NOTCH1: variants seen among roughly 807,000 people sequenced by gnomAD.
The protein encoded by NOTCH1 is notch receptor 1, also known as neurogenic locus notch homolog protein 1.
A neutral mutation model predicts 254.8 loss-of-function variants in NOTCH1; 37 were observed. The observed-to-expected ratio is 0.15, with a 90% CI of 0.11 to 0.19. The LOEUF is 0.19. Ranked by LOEUF, NOTCH1 falls within the 10% of genes least tolerant of loss-of-function variation. NOTCH1 has a pLI of 1.00. For synonymous variants in NOTCH1, 1,731 were observed against 1,618.1 expected (o/e 1.07, Z -1.68); for missense variants, 2,972 against 3,708.6 (o/e 0.80, Z 5.16).
At chr9:136,525,730 T>C (rs1250342988) in intron 2 of NOTCH1, among the ~76,000 whole-genome samples, 1 of 152,210 alleles carries the variant, frequency 6.6e-6, no homozygotes, top group Non-Finnish European at 1.5e-5. Context: ...GTGCTATGTG[T>C]GGCAGTGGCC....
chr9:136,520,317 CCTCT>C (rs1302822392), intron 4 of NOTCH1, among the ~76,000 whole-genome samples: 1 of 152,136 alleles, frequency 6.6e-6, no homozygotes, highest in Non-Finnish European at 1.5e-5. Flanking sequence ...TCGGCCCCTC[CCTCT>C]GAGACATTGC....
At chr9:136,523,337 C>T (rs747117907) in intron 3 of NOTCH1, 149 bp from the exon 4 acceptor site, 11 of 877,988 alleles carry the variant, frequency 1.3e-5, no homozygotes, top group Middle Eastern at 3.3e-4. Context: ...TGAGACCGGT[C>T]GCCTTTGGCA....
chr9:136,496,566 C>T lies in NOTCH1; in HGVS notation c.7173G>A (p.Gln2391=). Reference sequence around the variant, plus strand: ...CTGGCTGCAGGTTCTGCTGCTGCATCTGTAAGTTTTGTGGCTGCACCTGCT... The same window carrying T: ...CTGGCTGCAGGTTCTGCTGCTGCATTTGTAAGTTTTGTGGCTGCACCTGCT... ...QTQQVQPQNL[Q]MQQQNLQPAN... The change falls in exon 34 of 34, where the codon CAG becomes CAA. Residue 2391 remains glutamine, a synonymous_variant. Transcript: ENST00000651671. The T allele has an allele frequency of 6.2e-7, 1 of 1,611,844 alleles. No homozygotes were observed. The highest frequency in any genetic ancestry group is 8.5e-7 in the Non-Finnish European group (1 of 1,179,990).
intron 9 of NOTCH1, among the ~76,000 whole-genome samples, chr9:136,516,677 A>G (rs1843278087): frequency 6.6e-6 from 1 of 152,034 alleles, no homozygotes; most frequent in Non-Finnish European, 1.5e-5. Flanking sequence ...GCCAGGCTGG[A>G]GCCTCCTCCC....
rs775610458 is a variant in NOTCH1 at position 136,499,233 on chromosome 9, G to A, written c.5961C>T (p.Asp1987=). Residue 1987 remains aspartate (D), a synonymous_variant, in exon 32 of 34, where the codon GAC becomes GAT. Transcript: ENST00000651671. The part of the protein sequence containing the change: ...FQILIRNRAT[D]LDARMHDGTT... ...TGCCATCATGCATGCGGGCATCCAG[G>A]TCTGTGGCTCGGTTCCGGATCAGGA... The A allele has an allele frequency of 3.1e-6, 5 of 1,613,092 alleles. No homozygotes were observed. Among genetic ancestry groups the A allele is most frequent in the East Asian group, 4.5e-5 (2 of 44,896 alleles).
chr9:136,533,029 C>T (rs1843587070), intron 2 of NOTCH1, among the ~76,000 whole-genome samples: 1 of 152,224 alleles, frequency 6.6e-6, no homozygotes, highest in Non-Finnish European at 1.5e-5. Flanking sequence ...TGTGCTGGGC[C>T]AGACCCTGGA....
In NOTCH1 at chr9:136,514,622, C is replaced by T. The variant is rs2133360970; in HGVS notation, c.2095G>A (p.Gly699Ser). The change falls in exon 13 of 34, where the codon GGC (glycine) becomes AGC (serine). Residue 699 changes from glycine to serine, a missense_variant. Transcript: ENST00000651671. ...NGGTCEDGINGFTCRCPEGYH... is the reference protein window; with the variant it reads ...NGGTCEDGINSFTCRCPEGYH... ...CCCTCGGGGCAGCGGCAGGTGAAGC[C>T]ATTGATGCCGTCCTCGCAGGTGCCC... 1.2e-6 allele frequency: 2 copies of T among 1,611,070 alleles called. No homozygotes were observed.
At chr9:136,510,535 C>T (rs753850133) in intron 17 of NOTCH1, 118 bp downstream of exon 17, 74 of 1,382,950 alleles carry the variant, frequency 5.4e-5, no homozygotes, top group Non-Finnish European at 6.8e-5. Flanking sequence ...CCAACCCTCC[C>T]CGGCCACACT....
chr9:136,516,713 T>C (rs893910602), intron 9 of NOTCH1, among the ~76,000 whole-genome samples: 3 of 152,092 alleles, frequency 2.0e-5, no homozygotes, highest in Non-Finnish European at 2.9e-5. Context: ...GCTCCTGGTA[T>C]ACCCTTCTCT....
intron 6 of NOTCH1, 147 bp from the exon 7 acceptor site, chr9:136,518,439 G>T: frequency 1.7e-6 from 2 of 1,192,020 alleles, no homozygotes; most frequent in Non-Finnish European, 2.4e-6. Flanking sequence ...GGACGTTCCG[G>T]GGGACTCACA....
intron 2 of NOTCH1, among the ~76,000 whole-genome samples, chr9:136,530,451 A>G (rs1843542081): frequency 6.6e-6 from 1 of 152,178 alleles, no homozygotes; most frequent in African/African-American, 2.4e-5. Flanking sequence ...GGCTGTCTGC[A>G]TCTGACCGAC....
At chr9:136,501,593 C>T (rs1026526195) in intron 30 of NOTCH1, among the ~76,000 whole-genome samples, 155 bp downstream of exon 30, 1 of 152,156 alleles carries the variant, frequency 6.6e-6, no homozygotes, top group African/African-American at 2.4e-5. Flanking sequence ...AGGACCCCCC[C>T]ACGTCTACTC....
At position 136,522,892 on chromosome 9, in the gene NOTCH1, G is replaced by C. The variant is rs567890045; in HGVS notation, c.700C>G (p.Arg234Gly). 1 of 1,535,012 alleles carries C rather than the reference G, an allele frequency of 6.5e-7. No homozygotes were observed. Among genetic ancestry groups the C allele is most frequent in the Non-Finnish European group, 8.8e-7 (1 of 1,138,978 alleles). The change falls in exon 4 of 34, where the codon CGC becomes GGC. Residue 234 changes from arginine to glycine, a missense_variant. Coordinates refer to ENST00000651671, the MANE Select transcript of NOTCH1 (RefSeq NM_017617.5). The stretch of plus-strand genomic sequence containing the variant: ...TCGTGGGTGACGTCGCCCGTGGGGC[G>C]GCAGGTGCCCCCGTTCTGGCAGGGC... ...PSPCQNGGTC[R>G]PTGDVTHECA...
Position 136,503,163 on chromosome 9 carries a change from G to C in NOTCH1, c.5167+19C>G, listed in dbSNP as rs751046078. The C allele has an allele frequency of 1.2e-6, 2 of 1,612,550 alleles. No individual in the cohort carries two copies. The highest frequency in any genetic ancestry group is 1.3e-5 in the African/African-American group (1 of 75,050). ...CCCCCTGCAGGCAGAGCCTGTTCCCGGGATGGGGCCACACTTACTCTGCAC... is the reference window on the plus strand; with the variant it reads ...CCCCCTGCAGGCAGAGCCTGTTCCCCGGATGGGGCCACACTTACTCTGCAC... On this transcript the variant is annotated intron_variant, in intron 27 of 33. Coordinates refer to ENST00000651671, the MANE Select transcript of NOTCH1 (RefSeq NM_017617.5).
Position 136,508,003 on chromosome 9 carries a change from G to A in NOTCH1, c.3462C>T (p.Cys1154=). ...DLVDECSPSP[C]QNGATCTDYL... Reference sequence around the variant, plus strand: ...AGTCCGTGCAGGTGGCCCCGTTCTGGCAGGGGCTGGGTGAGCACTCGTCCA... The same window carrying A: ...AGTCCGTGCAGGTGGCCCCGTTCTGACAGGGGCTGGGTGAGCACTCGTCCA... Residue 1154 remains cysteine, a synonymous_variant, in exon 21 of 34, where the codon TGC becomes TGT. Coordinates refer to ENST00000651671, the MANE Select transcript of NOTCH1 (RefSeq NM_017617.5). 1 of 1,612,630 alleles carries A rather than the reference G, an allele frequency of 6.2e-7. No homozygotes were observed. The highest frequency in any genetic ancestry group is 8.5e-7 in the Non-Finnish European group (1 of 1,180,014).
intron 2 of NOTCH1, among the ~76,000 whole-genome samples, chr9:136,526,422 G>A (rs1843461181): frequency 6.6e-6 from 1 of 152,264 alleles, no homozygotes; most frequent in Non-Finnish European, 1.5e-5. Flanking sequence ...CGGGGCTGGA[G>A]GCTCCTCAGC....
At chr9:136,544,178 G>A (rs1308554328) in intron 1 of NOTCH1, 76 bp from the exon 2 acceptor site, 7 of 1,356,294 alleles carry the variant, frequency 5.2e-6, no homozygotes, top group East Asian at 2.5e-5. Flanking sequence ...CCCTGGGGGC[G>A]GGGACCTGCA....
At position 136,540,172 on chromosome 9, in the gene NOTCH1, C is replaced by G. The variant is rs552290919; in HGVS notation, c.140+3852G>C. ...AGGCCACCACCGGGCCGGCACACCC[C>G]CAACATGTCCCACATGTGAGCTAGG... On this transcript the variant is annotated intron_variant, in intron 2 of 33. Transcript: ENST00000651671. This position sits in a 1 kb window ranked among gnomAD's most constrained non-coding sequence, Gnocchi z 4.4. Among the ~76,000 whole-genome samples, 1 of 152,196 alleles carries G rather than the reference C, an allele frequency of 6.6e-6. No homozygotes were observed. The highest frequency in any genetic ancestry group is 2.4e-5 in the African/African-American group (1 of 41,452).
rs773291228 is a variant in NOTCH1, at chr9:136,509,092, G to A, written c.2970-21C>T. 1.2e-5 allele frequency: 18 copies of A among 1,548,342 alleles called. No individual in the cohort carries two copies. The African/African-American group carries it at 1.4e-4, about 12-fold the overall frequency. On this transcript the variant is annotated intron_variant, in intron 18 of 33. Coordinates refer to ENST00000651671, the MANE Select transcript of NOTCH1 (RefSeq NM_017617.5). Reference sequence around the variant, plus strand: ...AGGAGCTGCAAGGGGGTGGGCAGGCGGGGGCTGAGTGGAGGGCATTGGTGG... The same window carrying A: ...AGGAGCTGCAAGGGGGTGGGCAGGCAGGGGCTGAGTGGAGGGCATTGGTGG...
Sources: gnomAD v4.1 joint callset for allele counts (sites outside exome capture counted in the v4.1 genomes callset) on GRCh38, gnomAD v4.1.1 for gene constraint, Gnocchi (gnomAD v3.1) non-coding constraint, MANE v1.5 for transcripts, NCBI Gene and HGNC (gene_info 2026-07-23, HGNC 2026-07-21) for gene names.